Variants in NAALADL2 observed in about 807,000 individuals in gnomAD.
NAALADL2 encodes the protein N-acetylated alpha-linked acidic dipeptidase like 2.
A neutral mutation model predicts 87.2 loss-of-function variants in NAALADL2; 76 were observed. The observed-to-expected ratio is 0.87, with a 90% CI of 0.72 to 1.05. NAALADL2 has a LOEUF of 1.05. Among genes scored for constraint, NAALADL2 ranks in the 50% least tolerant of loss-of-function variants. The probability of loss-of-function intolerance (pLI) is 0.00; values close to 1 mark genes in which losing one functional copy is unlikely to be tolerated. For synonymous variants in NAALADL2, 354 were observed against 331.0 expected (o/e 1.07, Z -0.75); for missense variants, 1,089 against 945.8 (o/e 1.15, Z -1.99).
chr3:175,645,883 ACT>A (rs1729941423), intron 11 of NAALADL2, among the ~76,000 whole-genome samples: 1 of 152,116 alleles, frequency 6.6e-6, no homozygotes, highest in South Asian at 2.1e-4. Flanking sequence ...ATGATGACTG[ACT>A]CTATTGATTT....
intron 10 of NAALADL2, among the ~76,000 whole-genome samples, chr3:175,605,379 TA>T (rs11353624): frequency 0.74 from 112,836 of 151,878 alleles, 42,193 homozygotes; most frequent in East Asian, 0.88. Flanking sequence ...TTATTCCCAT[TA>T]AAAAAAAGAT....
intron 1 of NAALADL2, among the ~76,000 whole-genome samples, chr3:174,911,556 G>C (rs906762707): frequency 6.6e-5 from 10 of 152,068 alleles, no homozygotes; most frequent in Admixed American, 6.6e-4. Flanking sequence ...GGTTTAGGGA[G>C]GGGCAATATA....
chr3:175,569,823 T>TACAC (rs34518577), intron 9 of NAALADL2, among the ~76,000 whole-genome samples: 3,235 of 147,482 alleles, frequency 0.022, 102 homozygotes, highest in African/African-American at 0.071. Context: ...GACCAACTAA[T>TACAC]ACACACACAC....
chr3:175,640,732 A>G (rs1729166761), intron 11 of NAALADL2, among the ~76,000 whole-genome samples: 2 of 152,126 alleles, frequency 1.3e-5, no homozygotes. Context: ...TTTGATACAC[A>G]TGAGTGTATA....
intron 10 of NAALADL2, among the ~76,000 whole-genome samples, chr3:175,624,753 T>C (rs1408274404): frequency 2.6e-5 from 4 of 152,042 alleles, no homozygotes; most frequent in Non-Finnish European, 4.4e-5. Context: ...ATCAAATGGA[T>C]GTATTTTATT....
intron 4 of NAALADL2, among the ~76,000 whole-genome samples, chr3:175,258,023 A>G (rs1326131211): frequency 6.6e-6 from 1 of 152,054 alleles, no homozygotes; most frequent in Admixed American, 6.6e-5. Flanking sequence ...AAATGAAACG[A>G]TGGGGCCAGG....
chr3:175,731,139 A>G (rs1346535844), intron 11 of NAALADL2, among the ~76,000 whole-genome samples: 2 of 152,202 alleles, frequency 1.3e-5, no homozygotes, highest in Non-Finnish European at 2.9e-5. Context: ...ATTCTGACTT[A>G]AACCTCGTGT....
rs112723522 is a variant in NAALADL2, at chr3:175,738,743, G to A, written c.1990+1344G>A. ...CTCTCCTTTTTATATATTTAAGTTA[G>A]TCTCTATATAGTTTCCTTCTTTCCT... On this transcript the variant is annotated intron_variant, in intron 12 of 13. Transcript: ENST00000454872. Among the ~76,000 whole-genome samples the A allele has an allele frequency of 5.5e-3, 841 of 152,122 alleles. 9 individuals carry two copies. The highest frequency in any genetic ancestry group is 0.019 in the African/African-American group (804 of 41,488).
chr3:175,558,700 T>A (rs1715763027), intron 9 of NAALADL2, among the ~76,000 whole-genome samples: 1 of 152,194 alleles, frequency 6.6e-6, no homozygotes, highest in Admixed American at 6.5e-5. Flanking sequence ...CCAATGTATA[T>A]CCTTGACAAC....
intron 11 of NAALADL2, among the ~76,000 whole-genome samples, chr3:175,662,278 A>T (rs186271471): frequency 6.6e-6 from 1 of 151,836 alleles, no homozygotes; most frequent in Non-Finnish European, 1.5e-5. Flanking sequence ...TACTTTCTTG[A>T]TATCTTTTTC....
At chr3:174,778,762 A>T (rs1299062392) in intron 3 of NAALADL2, among the ~76,000 whole-genome samples, 1 of 152,062 alleles carries the variant, frequency 6.6e-6, no homozygotes, top group Admixed American at 6.6e-5. Flanking sequence ...GTTTGCTGAA[A>T]ATGATGGTTT....
intron 2 of NAALADL2, among the ~76,000 whole-genome samples, chr3:175,161,414 C>A (rs2108844066): frequency 6.6e-6 from 1 of 152,218 alleles, no homozygotes; most frequent in African/African-American, 2.4e-5. Context: ...CTTAGGATAT[C>A]ACTACTGACT....
chr3:174,941,861 T>C (rs1304586388), intron 1 of NAALADL2, among the ~76,000 whole-genome samples: 1 of 152,202 alleles, frequency 6.6e-6, no homozygotes, highest in Non-Finnish European at 1.5e-5. Context: ...TGGTGGATTT[T>C]CCTCCATTCC....
chr3:174,586,404 T>G (rs922723716), intron 2 of NAALADL2, among the ~76,000 whole-genome samples: 3 of 152,114 alleles, frequency 2.0e-5, no homozygotes, highest in African/African-American at 4.8e-5. Context: ...AGGTCAAAGG[T>G]GTTGTGCTGG....
intron 5 of NAALADL2, among the ~76,000 whole-genome samples, chr3:175,384,549 C>T (rs6793266): frequency 0.41 from 61,544 of 151,656 alleles, 12,804 homozygotes; most frequent in East Asian, 0.61. Context: ...AGTAGTCATA[C>T]ACTTTAGGCT....
intron 9 of NAALADL2, among the ~76,000 whole-genome samples, chr3:175,540,444 G>T (rs1712108777): frequency 6.6e-6 from 1 of 152,168 alleles, no homozygotes; most frequent in African/African-American, 2.4e-5. Flanking sequence ...GACAGATTTT[G>T]TAGGACCTTG....
intron 5 of NAALADL2, among the ~76,000 whole-genome samples, chr3:175,334,606 C>G (rs543470467): frequency 1.1e-4 from 17 of 152,086 alleles, no homozygotes; most frequent in African/African-American, 4.1e-4. Context: ...ATGCAGCATA[C>G]TATAAATATG....
chr3:175,086,390 T>A (rs1004878129), intron 1 of NAALADL2, among the ~76,000 whole-genome samples: 43 of 151,300 alleles, frequency 2.8e-4, no homozygotes, highest in Admixed American at 1.3e-4. Context: ...TATATAAATT[T>A]AAAAATAGAG....
chr3:175,449,182 G>T (rs1276603811), intron 6 of NAALADL2, among the ~76,000 whole-genome samples: 4 of 152,090 alleles, frequency 2.6e-5, no homozygotes, highest in African/African-American at 9.7e-5. Flanking sequence ...GGGCTCAAGT[G>T]ATCCTCTTGC....
Sources: gnomAD v4.1 joint callset for allele counts (sites outside exome capture counted in the v4.1 genomes callset) on GRCh38, gnomAD v4.1.1 for gene constraint, MANE v1.5 for transcripts, NCBI Gene and HGNC (gene_info 2026-07-23, HGNC 2026-07-21) for gene names.